ADAMTS17: variants seen among roughly 807,000 people sequenced by gnomAD.
The protein encoded by ADAMTS17 is ADAM metallopeptidase with thrombospondin type 1 motif 17.
A neutral mutation model predicts 141.5 loss-of-function variants in ADAMTS17; 113 were observed. The observed-to-expected ratio is 0.80, with a 90% confidence interval of 0.69 to 0.93. The LOEUF (loss-of-function observed/expected upper bound fraction) is 0.93, where lower values mean the gene tolerates loss of function less well. Among genes scored for constraint, ADAMTS17 ranks in the 40% least tolerant of loss-of-function variants. The pLI is 0.00. For missense variants in ADAMTS17, 1,659 were observed against 1,517.9 expected, an observed-to-expected ratio of 1.09 and a Z score of -1.54; for synonymous variants, 768 against 630.6, an observed-to-expected ratio of 1.22 and a Z score of -3.27.
chr15:100,005,762 G>A (rs541176533), intron 18 of ADAMTS17, among the ~76,000 whole-genome samples: 4 of 152,264 alleles, frequency 2.6e-5, no homozygotes, highest in East Asian at 3.9e-4. Context: ...AAAGTATCAC[G>A]AATTGGGTGG....
intron 2 of ADAMTS17, chr15:100,338,941 C>A: frequency 1.0e-6 from 1 of 985,392 alleles, no homozygotes; most frequent in Non-Finnish European, 1.2e-6. Context: ...ACCTTGCAAA[C>A]AAAGGGTCCA....
At chr15:100,072,341 T>G (rs1019554676) in intron 15 of ADAMTS17, among the ~76,000 whole-genome samples, 2 of 148,916 alleles carry the variant, frequency 1.3e-5, no homozygotes, top group African/African-American at 5.0e-5. Flanking sequence ...CCAAGGTAAT[T>G]TATAGATTCA....
chr15:100,062,103 C>G (rs2033165181), intron 15 of ADAMTS17, among the ~76,000 whole-genome samples: 1 of 150,766 alleles, frequency 6.6e-6, no homozygotes, highest in Non-Finnish European at 1.5e-5. Flanking sequence ...AAGTGTTGTT[C>G]TATTTGCAGA....
At position 100,133,060 on chromosome 15, in the gene ADAMTS17, C is replaced by T. The variant is rs529979964; in HGVS notation, c.1575+154G>A. ...GGAATGAGGTGATGTAGGCACCACT[C>T]TGTGCCCGGAGTGGCCTCCATGGGC... On this transcript the variant is annotated intron_variant, in intron 11 of 21. Transcript: ENST00000268070. Among the ~76,000 whole-genome samples the T allele has an allele frequency of 2.0e-5, 3 of 152,352 alleles. No homozygotes were observed. In the East Asian group the frequency reaches 5.8e-4, roughly 29 times the overall value.
At chr15:100,306,518 C>G (rs553755706) in intron 3 of ADAMTS17, 2 of 456,052 alleles carry the variant, frequency 4.4e-6, no homozygotes, top group African/African-American at 4.0e-5. Context: ...TGAGGCACCT[C>G]CAGATCACTC....
At chr15:100,175,217 T>A (rs1389539520) in intron 8 of ADAMTS17, among the ~76,000 whole-genome samples, 1 of 152,224 alleles carries the variant, frequency 6.6e-6, no homozygotes, top group Non-Finnish European at 1.5e-5. Context: ...GCCTTTTATT[T>A]AAATGTCTGC....
intron 2 of ADAMTS17, among the ~76,000 whole-genome samples, chr15:100,340,736 C>A (rs1360267849): frequency 6.6e-6 from 1 of 151,910 alleles, no homozygotes; most frequent in Non-Finnish European, 1.5e-5. Flanking sequence ...CTGACAGTTT[C>A]ATCCCTGCCA....
At chr15:99,990,923 G>C (rs1056870140) in intron 20 of ADAMTS17, among the ~76,000 whole-genome samples, 2 of 152,182 alleles carry the variant, frequency 1.3e-5, no homozygotes, top group African/African-American at 2.4e-5. Context: ...AATGGGGAAA[G>C]GATTCCCTAT....
chr15:99,986,899 A>G (rs770214405), intron 20 of ADAMTS17, among the ~76,000 whole-genome samples: 3 of 152,174 alleles, frequency 2.0e-5, no homozygotes, highest in Non-Finnish European at 2.9e-5. Context: ...GCTGCAGGTC[A>G]TTTTTCAAAC....
intron 9 of ADAMTS17, 132 bp downstream of exon 9, chr15:100,155,048 G>T: frequency 7.4e-7 from 1 of 1,358,280 alleles, no homozygotes; most frequent in Non-Finnish European, 1.0e-6. Context: ...TGCGCTGACC[G>T]CCTCCTGAGG....
chr15:100,012,382 G>C (rs2061204478), intron 18 of ADAMTS17, among the ~76,000 whole-genome samples: 1 of 152,124 alleles, frequency 6.6e-6, no homozygotes, highest in African/African-American at 2.4e-5. Flanking sequence ...AAGCTCTTTA[G>C]TTTAATTAAG....
intron 18 of ADAMTS17, among the ~76,000 whole-genome samples, chr15:100,038,863 T>C (rs1040555947): frequency 6.6e-6 from 1 of 152,258 alleles, no homozygotes; most frequent in African/African-American, 2.4e-5. Context: ...TGGATAGAAA[T>C]AGTAAGAGCA....
Position 100,091,010 on chromosome 15 carries a change from C to CAAAAAAAAAAAA in ADAMTS17, c.2137+5334_2137+5345dup, listed in dbSNP as rs556800178. ...GAGGCAGAGTGAGACTCCGTCTCAA[C>CAAAAAAAAAAAA]AAAAAAAAAAAAAAAAAAGGGTAAC... On this transcript the variant is annotated intron_variant, in intron 15 of 21. Transcript: ENST00000268070. 4.7e-3 allele frequency among the ~76,000 whole-genome samples: 256 copies of CAAAAAAAAAAAA among 54,570 alleles called. 7 individuals are homozygous for CAAAAAAAAAAAA. Among genetic ancestry groups the CAAAAAAAAAAAA allele is most frequent in the African/African-American group, 0.017 (239 of 14,076 alleles). The allele number at this position is 54,570 out of a possible 152,430, so 35.8% of individuals were successfully genotyped here.
At chr15:100,216,899 G>A (rs1055605746) in intron 7 of ADAMTS17, among the ~76,000 whole-genome samples, 2 of 152,142 alleles carry the variant, frequency 1.3e-5, no homozygotes, top group Non-Finnish European at 2.9e-5. Flanking sequence ...TGCACTTCTT[G>A]GAAACATCAC....
At chr15:100,166,300 T>C (rs1046186256) in intron 8 of ADAMTS17, among the ~76,000 whole-genome samples, 3 of 152,250 alleles carry the variant, frequency 2.0e-5, no homozygotes, top group African/African-American at 7.2e-5. Context: ...GAACATCTAC[T>C]GCTTCCAATG....
At chr15:100,328,582 G>A (rs992361471) in intron 3 of ADAMTS17, among the ~76,000 whole-genome samples, 19 of 152,134 alleles carry the variant, frequency 1.2e-4, no homozygotes, top group African/African-American at 3.9e-4. Context: ...ACAGTCTTGC[G>A]TGGCTGCTCT....
intron 17 of ADAMTS17, among the ~76,000 whole-genome samples, 176 bp downstream of exon 17, chr15:100,051,396 G>C (rs1044046948): frequency 6.6e-6 from 1 of 152,222 alleles, no homozygotes. Context: ...CCTAGTGTGG[G>C]AGTTGGGAAG....
chr15:100,163,818 T>G (rs112719983), intron 8 of ADAMTS17, among the ~76,000 whole-genome samples: 122 of 152,226 alleles, frequency 8.0e-4, no homozygotes, highest in Non-Finnish European at 4.0e-4. Context: ...ACCCTTACTT[T>G]AGACTCTCGC....
rs549505826 is a variant in ADAMTS17, at chr15:100,255,660, C to T, written c.1032-1481G>A. On this transcript the variant is annotated intron_variant, in intron 6 of 21. Coordinates refer to ENST00000268070, the MANE Select transcript of ADAMTS17 (RefSeq NM_139057.4). ...CACACACAGCTGGCCCAGGACCTTG[C>T]TCCAGGGTTTCTCAGAGTTGTGAAC... is the stretch of plus-strand genomic sequence containing the variant. 9.1e-4 allele frequency among the ~76,000 whole-genome samples: 66 copies of T among 72,400 alleles called. 1 individual carries two copies. Among genetic ancestry groups the T allele is most frequent in the African/African-American group, 3.4e-3 (66 of 19,664 alleles). The allele number at this position is 72,400 out of a possible 152,430, so 47.5% of individuals were successfully genotyped here. A position where few individuals can be genotyped will look rare whatever the true frequency, so the allele number is the denominator to read the frequency against.
Sources: gnomAD v4.1 joint callset for allele counts (sites outside exome capture counted in the v4.1 genomes callset) on GRCh38, gnomAD v4.1.1 for gene constraint, MANE v1.5 for transcripts, NCBI Gene and HGNC (gene_info 2026-07-23, HGNC 2026-07-21) for gene names.